The following GAB2 variants were observed in gnomAD, a reference collection of about 807,000 sequenced individuals.
The protein encoded by GAB2 is GRB2 associated binding protein 2.
GAB2 carries 26 observed loss-of-function variants against 65.5 expected under a neutral mutation model. The ratio of observed to expected loss-of-function variants is 0.40; its 90% CI spans 0.29 to 0.55. The LOEUF (loss-of-function observed/expected upper bound fraction) is 0.55. GAB2 is among the 20% of genes least tolerant of loss of function. GAB2 has a pLI of 0.53. For missense variants in GAB2, 884 were observed against 875.8 expected (o/e 1.01, Z -0.12); for synonymous variants, 321 against 329.6 (o/e 0.97, Z 0.28).
chr11:78,322,298 CAAAAAAAAAAAAAAAAA>C (rs56709163), intron 1 of GAB2, among the ~76,000 whole-genome samples: 5 of 12,066 alleles, frequency 4.1e-4, no homozygotes, highest in South Asian at 8.9e-3. Flanking sequence ...GACTCTGTCT[CAAAAAAAAAAAAAAAAA>C]AAAAAAAAAA....
intron 9 of GAB2, 151 bp downstream of exon 9, chr11:78,220,168 C>A: frequency 1.3e-6 from 1 of 770,076 alleles, no homozygotes; most frequent in Non-Finnish European, 2.1e-6. Context: ...GATGAAAGCT[C>A]TATGACTAAA....
At chr11:78,243,183 A>G (rs771554093) in intron 3 of GAB2, among the ~76,000 whole-genome samples, 10 of 145,896 alleles carry the variant, frequency 6.9e-5, no homozygotes, top group Non-Finnish European at 1.5e-4. Flanking sequence ...AAAGAAAAAA[A>G]AAGGCTGGGC....
intron 2 of GAB2, among the ~76,000 whole-genome samples, chr11:78,267,874 A>AAAAAAAAAAAAAAAAAAAAAAAAAAAAAC (rs1865909849): frequency 6.6e-6 from 1 of 151,030 alleles, no homozygotes; most frequent in Non-Finnish European, 1.5e-5. Flanking sequence ...AAAAAAAAAA[A>AAAAAAAAAAAAAAAAAAAAAAAAAAAAAC]AAAAAAAGAG....
chr11:78,391,747 C>T (rs143690474), intron 1 of GAB2, among the ~76,000 whole-genome samples: 1 of 152,322 alleles, frequency 6.6e-6, no homozygotes, highest in Non-Finnish European at 1.5e-5. Context: ...CCAGTTGGGG[C>T]CCCAGATATT....
Position 78,259,683 on chromosome 11 carries a change from T to C in GAB2, c.377-9283A>G, listed in dbSNP as rs34065342. Among the ~76,000 whole-genome samples the C allele has an allele frequency of 6.5e-3, 987 of 152,198 alleles. 8 individuals carry two copies. The highest frequency in any genetic ancestry group is 0.021 in the African/African-American group (887 of 41,520). ...CACAGTAACTCACATAATATAGCAA[T>C]TGGAAGGGTCCCCAGAGTCCAGTCT... On this transcript the variant is annotated intron_variant, in intron 2 of 9. Transcript: ENST00000361507.
At chr11:78,221,257 G>A (rs1268723935) in intron 8 of GAB2, among the ~76,000 whole-genome samples, 1 of 152,236 alleles carries the variant, frequency 6.6e-6, no homozygotes, top group Admixed American at 6.5e-5. Flanking sequence ...AAATCTCAGG[G>A]AAGAAATATC....
At chr11:78,407,446 C>CA (rs1459886181) in intron 1 of GAB2, among the ~76,000 whole-genome samples, 2 of 151,884 alleles carry the variant, frequency 1.3e-5, no homozygotes, top group Non-Finnish European at 1.5e-5. Flanking sequence ...GCCTGGCCAA[C>CA]ATAGTGAAAC....
chr11:78,233,578 G>T (rs570829966), intron 3 of GAB2, among the ~76,000 whole-genome samples: 1 of 151,996 alleles, frequency 6.6e-6, no homozygotes, highest in Non-Finnish European at 1.5e-5. Flanking sequence ...TTAGATATGC[G>T]CGTTGAATAT....
intron 2 of GAB2, among the ~76,000 whole-genome samples, chr11:78,273,392 G>C (rs1312983330): frequency 8.5e-5 from 13 of 152,102 alleles, no homozygotes; most frequent in Non-Finnish European, 2.9e-5. Flanking sequence ...ACCTGAATGT[G>C]AAACAGGGAG....
At chr11:78,307,587 A>G (rs191414145) in intron 1 of GAB2, among the ~76,000 whole-genome samples, 90 of 141,010 alleles carry the variant, frequency 6.4e-4, no homozygotes, top group Non-Finnish European at 1.1e-3. Context: ...GTGAGATCCC[A>G]TCTCTACAAA....
At chr11:78,245,551 C>T (rs961820960) in intron 3 of GAB2, among the ~76,000 whole-genome samples, 1 of 152,168 alleles carries the variant, frequency 6.6e-6, no homozygotes, top group East Asian at 1.9e-4. Context: ...GAAAATTTCT[C>T]ACCAGGCCAC....
chr11:78,348,694 CAT>C (rs1332793588), intron 1 of GAB2, among the ~76,000 whole-genome samples: 4 of 152,134 alleles, frequency 2.6e-5, no homozygotes, highest in Non-Finnish European at 5.9e-5. Context: ...ACGTATCTAC[CAT>C]ATGACTGAGC....
intron 1 of GAB2, among the ~76,000 whole-genome samples, chr11:78,330,161 T>A (rs1591043348): frequency 6.6e-6 from 1 of 152,176 alleles, no homozygotes; most frequent in South Asian, 2.1e-4. Context: ...GGGGGTTAAA[T>A]GGATCACCAG....
intron 1 of GAB2, among the ~76,000 whole-genome samples, chr11:78,286,600 T>C (rs1034970343): frequency 1.1e-4 from 17 of 151,312 alleles, no homozygotes; most frequent in African/African-American, 4.1e-4. Flanking sequence ...TTTCATTCCA[T>C]GAATATGTTA....
Position 78,226,611 on chromosome 11 carries a change from CGGGGTG to C in GAB2, c.1055_1060del (p.Pro352_Pro353del). 7.1e-6 allele frequency: 2 copies of C among 282,902 alleles called. No homozygotes were observed. The highest frequency in any genetic ancestry group is 1.3e-5 in the Non-Finnish European group (2 of 157,886). The allele number at this position is 282,902 out of a possible 1,614,324, so 17.5% of individuals were successfully genotyped here. On this transcript the variant is annotated inframe_deletion, in exon 4 of 10. Coordinates refer to ENST00000361507, the MANE Select transcript of GAB2 (RefSeq NM_080491.3). ...TTCTGCCTGACTTGGCTTGGGGGGG[CGGGGTG>C]GGGGAGCTATGGCTGAGTCCCCAGG...
At chr11:78,231,336 GGTGTGTGTGTGTGTGTGTGT>G (rs58651538) in intron 3 of GAB2, among the ~76,000 whole-genome samples, 1 of 145,796 alleles carries the variant, frequency 6.9e-6, no homozygotes, top group East Asian at 2.0e-4. Flanking sequence ...GCGCGTGTGT[GGTGTGTGTGTGTGTGTGTGT>G]GTGTGTGTGT....
intron 1 of GAB2, among the ~76,000 whole-genome samples, chr11:78,288,676 AT>A (rs1866561791): frequency 6.6e-6 from 1 of 152,244 alleles, no homozygotes; most frequent in African/African-American, 2.4e-5. Flanking sequence ...AATGAAAGAA[AT>A]CAAAGGAGAC....
intron 3 of GAB2, among the ~76,000 whole-genome samples, chr11:78,241,920 G>A (rs767964301): frequency 6.6e-6 from 1 of 152,138 alleles, no homozygotes; most frequent in African/African-American, 2.4e-5. Context: ...AATCAACAGG[G>A]AAACAATTAG....
chr11:78,255,062 G>C (rs898317625), intron 2 of GAB2, among the ~76,000 whole-genome samples: 1 of 152,026 alleles, frequency 6.6e-6, no homozygotes, highest in Non-Finnish European at 1.5e-5. Flanking sequence ...AAGTCATACT[G>C]GATTAGGGTG....
Sources: gnomAD v4.1 joint callset for allele counts (sites outside exome capture counted in the v4.1 genomes callset) on GRCh38, gnomAD v4.1.1 for gene constraint, MANE v1.5 for transcripts, NCBI Gene and HGNC (gene_info 2026-07-23, HGNC 2026-07-21) for gene names.